Variants in FNBP1 observed in about 807,000 individuals in gnomAD.
FNBP1 encodes formin binding protein 1.
In FNBP1, 26 loss-of-function variants were observed where a neutral mutation model predicts 90.6. That is an observed-to-expected ratio of 0.29 (90% CI 0.21 to 0.40). The LOEUF is 0.40. Among genes scored for constraint, FNBP1 ranks in the 10% least tolerant of loss-of-function variants. The pLI is 1.00. For synonymous variants in FNBP1, 260 were observed against 265.2 expected (o/e 0.98, Z 0.19); for missense variants, 635 against 768.0 (o/e 0.83, Z 2.05).
chr9:129,952,691 A>T (rs79877045), intron 6 of FNBP1, among the ~76,000 whole-genome samples: 1,914 of 152,328 alleles, frequency 0.013, 18 homozygotes, highest in Middle Eastern at 0.024. Flanking sequence ...AAAGGGGGCC[A>T]CTTTTTATTG....
At chr9:129,971,401 T>C (rs1377698634) in intron 4 of FNBP1, among the ~76,000 whole-genome samples, 1 of 151,972 alleles carries the variant, frequency 6.6e-6, no homozygotes, top group Admixed American at 6.6e-5. Flanking sequence ...TGTTTTTTGT[T>C]TTTTTTTAAG....
rs2059836071 is a variant in FNBP1, at chr9:130,041,728, T to C, written c.24+1224A>G. 6.6e-6 allele frequency among the ~76,000 whole-genome samples: 1 copy of C among 152,206 alleles called. No individual in the cohort carries two copies. Among genetic ancestry groups the C allele is most frequent in the South Asian group, 2.1e-4 (1 of 4,826 alleles). ...TTTTGGTAATAACAACCGTAGCTGC[T>C]TCTGTACCTAACAAATGGTTATGTA... is the stretch of plus-strand genomic sequence containing the variant. On this transcript the variant is annotated intron_variant, in intron 1 of 16. Coordinates refer to ENST00000446176, the MANE Select transcript of FNBP1 (RefSeq NM_015033.3). The surrounding 1 kb of genome is among the most constrained non-coding windows in gnomAD (Gnocchi z 4.3).
intron 6 of FNBP1, among the ~76,000 whole-genome samples, chr9:129,952,911 C>T (rs2046392076): frequency 6.6e-6 from 1 of 152,086 alleles, no homozygotes; most frequent in Non-Finnish European, 1.5e-5. Flanking sequence ...AATCCTGTTC[C>T]TCAGTGTCCC....
chr9:129,911,733 C>A (rs543221610), intron 11 of FNBP1, among the ~76,000 whole-genome samples: 28 of 152,172 alleles, frequency 1.8e-4, no homozygotes, highest in African/African-American at 6.7e-4. Context: ...GAGCTCGAAA[C>A]CAGCCTGACC....
intron 1 of FNBP1, among the ~76,000 whole-genome samples, chr9:130,035,023 C>T (rs2059183588): frequency 6.6e-6 from 1 of 152,176 alleles, no homozygotes; most frequent in African/African-American, 2.4e-5. Flanking sequence ...GTGACATGTG[C>T]CTGTAATCCC....
chr9:129,910,504 A>AGAG (rs1554771988), intron 11 of FNBP1, among the ~76,000 whole-genome samples: 1 of 104,058 alleles, frequency 9.6e-6, no homozygotes, highest in African/African-American at 3.5e-5. Context: ...AAAAAAAAAA[A>AGAG]AGAGAGAGAG....
At chr9:129,980,915 G>GT (rs1439096044) in intron 2 of FNBP1, among the ~76,000 whole-genome samples, 1 of 151,794 alleles carries the variant, frequency 6.6e-6, no homozygotes, top group Non-Finnish European at 1.5e-5. Context: ...GCTGGGCATG[G>GT]TGGCAGGCGC....
At chr9:129,950,099 C>T (rs989984421) in intron 6 of FNBP1, among the ~76,000 whole-genome samples, 3 of 152,150 alleles carry the variant, frequency 2.0e-5, no homozygotes, top group African/African-American at 7.2e-5. Context: ...TGGGAGATGA[C>T]ATTAAATAAT....
intron 2 of FNBP1, among the ~76,000 whole-genome samples, chr9:129,981,447 G>T (rs1470577770): frequency 6.6e-6 from 1 of 152,130 alleles, no homozygotes; most frequent in Non-Finnish European, 1.5e-5. Context: ...TCACTTCCTT[G>T]TTAATTCCCT....
At chr9:130,012,906 TG>T (rs1301050013) in intron 1 of FNBP1, among the ~76,000 whole-genome samples, 1 of 152,170 alleles carries the variant, frequency 6.6e-6, no homozygotes, top group East Asian at 1.9e-4. Context: ...CCCAAAGTGC[TG>T]GGAGTAGAGG....
At chr9:129,948,515 C>A (rs1236282402) in intron 6 of FNBP1, among the ~76,000 whole-genome samples, 1 of 151,136 alleles carries the variant, frequency 6.6e-6, no homozygotes, top group Non-Finnish European at 1.5e-5. Flanking sequence ...CAGGCATGAG[C>A]CACCACATTC....
At position 130,042,880 on chromosome 9, in the gene FNBP1, G is replaced by A. The variant is rs1320023696; in HGVS notation, c.24+72C>T. ...GCCTCCGCCCAGCAGCGCGGCCCGC[G>A]CCCCCTCCCCAGGCCGCGGGGAAAC... On this transcript the variant is annotated intron_variant, in intron 1 of 16. Coordinates refer to ENST00000446176, the MANE Select transcript of FNBP1 (RefSeq NM_015033.3). This position sits in a 1 kb window ranked among gnomAD's most constrained non-coding sequence, Gnocchi z 5.5. The A allele has an allele frequency of 1.9e-6, 2 of 1,080,134 alleles. No individual in the cohort carries two copies. The highest frequency in any genetic ancestry group is 2.3e-6 in the Non-Finnish European group (2 of 851,486). The allele number at this position is 1,080,134 out of a possible 1,614,324, so 66.9% of individuals were successfully genotyped here. A position where few individuals can be genotyped will look rare whatever the true frequency, so the allele number is the denominator to read the frequency against.
At chr9:129,923,709 TTG>T in intron 10 of FNBP1, 133 bp downstream of exon 10, 4 of 1,065,130 alleles carry the variant, frequency 3.8e-6, no homozygotes, top group Non-Finnish European at 3.8e-6. Context: ...ATAATGGTTT[TTG>T]TTTTTTTTTT....
At chr9:129,928,396 C>T (rs1228262369) in intron 7 of FNBP1, among the ~76,000 whole-genome samples, 5 of 152,202 alleles carry the variant, frequency 3.3e-5, no homozygotes, top group Non-Finnish European at 4.4e-5. Context: ...CTGTGGCTCA[C>T]GCCTGTAATC....
chr9:129,990,219 A>G (rs1428766969), intron 2 of FNBP1, among the ~76,000 whole-genome samples: 1 of 152,248 alleles, frequency 6.6e-6, no homozygotes, highest in Non-Finnish European at 1.5e-5. Context: ...TTTTATATAC[A>G]AATAATATAG....
At chr9:129,929,476 A>C (rs1280963146) in intron 7 of FNBP1, 91 bp downstream of exon 7, 2 of 1,236,714 alleles carry the variant, frequency 1.6e-6, no homozygotes, top group East Asian at 2.4e-5. Context: ...CAGACTCAGA[A>C]TACAAACCCA....
At chr9:129,979,532 A>C (rs2050855722) in intron 2 of FNBP1, among the ~76,000 whole-genome samples, 158 bp from the exon 3 acceptor site, 1 of 152,246 alleles carries the variant, frequency 6.6e-6, no homozygotes, top group Non-Finnish European at 1.5e-5. Flanking sequence ...TGTGTGATGA[A>C]GCTACTGTTA....
intron 16 of FNBP1, 49 bp downstream of exon 16, chr9:129,895,789 T>C (rs2035612224): frequency 1.4e-6 from 2 of 1,476,340 alleles, no homozygotes; most frequent in Non-Finnish European, 1.8e-6. Flanking sequence ...AACAACTCCA[T>C]TTTTTTTAAG....
rs1443399086 is a variant in FNBP1 at position 129,887,451 on chromosome 9, T to A, written c.*3088A>T. ...CTTTTTAAAAAGTTTTTGGATGATA[T>A]AAGCACAGGAGGCAGAGCCAATAAG... On this transcript the variant is annotated 3_prime_UTR_variant, in exon 17 of 17. Transcript: ENST00000446176. The A allele has an allele frequency of 5.0e-6, 1 of 201,126 alleles. No homozygotes were observed. Among genetic ancestry groups the A allele is most frequent in the Non-Finnish European group, 1.0e-5 (1 of 97,690 alleles). The allele number at this position is 201,126 out of a possible 1,614,324, so 12.5% of individuals were successfully genotyped here.
Sources: allele counts gnomAD v4.1 joint callset (sites outside exome capture counted in the v4.1 genomes callset), GRCh38; gene constraint gnomAD v4.1.1; non-coding constraint Gnocchi (gnomAD v3.1); transcripts MANE v1.5; gene names NCBI Gene and HGNC (gene_info 2026-07-23, HGNC 2026-07-21).